The following GOLPH3 variants were observed in gnomAD, a reference collection of about 807,000 sequenced individuals.
GOLPH3 encodes coat protein GPP34.
GOLPH3 carries 14 observed loss-of-function variants against 28.5 expected under a neutral mutation model. That is an observed-to-expected ratio of 0.49 (90% confidence interval 0.32 to 0.77). GOLPH3 has a LOEUF of 0.77. Ranked by LOEUF, GOLPH3 falls within the 30% of genes least tolerant of loss-of-function variation. The probability of loss-of-function intolerance (pLI) is 0.03; values close to 1 mark genes in which losing one functional copy is unlikely to be tolerated. For missense variants in GOLPH3, 350 were observed against 393.7 expected (o/e 0.89, Z 0.94); for synonymous variants, 158 against 159.2 (o/e 0.99, Z 0.06).
At position 32,137,634 on chromosome 5, in the gene GOLPH3, G is replaced by A. The variant is rs138999976; in HGVS notation, c.358-1948C>T. On this transcript the variant is annotated intron_variant, in intron 2 of 3. Coordinates refer to ENST00000265070, the MANE Select transcript of GOLPH3 (RefSeq NM_022130.4). ...AGATCGCACCTTTGCACTCCAGCCT[G>A]GGCGACAAGAGCAAAAATCTGTTTC... is the stretch of plus-strand genomic sequence containing the variant. Among the ~76,000 whole-genome samples, 551 of 152,140 alleles carry A rather than the reference G, an allele frequency of 3.6e-3. 2 individuals are homozygous for A. The highest frequency in any genetic ancestry group is 0.013 in the African/African-American group (520 of 41,532).
chr5:32,126,384 AGGTAAATGAGGGCC>A lies in GOLPH3; in HGVS notation c.711_724del (p.Ala238GlyfsTer20). 6.2e-7 allele frequency: 1 copy of A among 1,614,184 alleles called. No individual in the cohort carries two copies. The highest frequency in any genetic ancestry group is 8.5e-7 in the Non-Finnish European group (1 of 1,180,040). ...CTCCAGGACGTCCGAGGCATGAGCC[AGGTAAATGAGGGCC>A]AGCAAGCGCCTGTCCATGCGGTGAG... On this transcript the variant is annotated frameshift_variant, in exon 4 of 4. Coordinates refer to ENST00000265070, the MANE Select transcript of GOLPH3 (RefSeq NM_022130.4). LOFTEE classifies it high-confidence loss of function.
intron 1 of GOLPH3, among the ~76,000 whole-genome samples, chr5:32,152,836 T>C (rs1421838242): frequency 1.3e-5 from 2 of 150,186 alleles, no homozygotes; most frequent in Non-Finnish European, 3.0e-5. Flanking sequence ...GACAGCATAG[T>C]TGGCAAAAAT....
At chr5:32,163,312 T>A (rs1746633770) in intron 1 of GOLPH3, among the ~76,000 whole-genome samples, 1 of 152,200 alleles carries the variant, frequency 6.6e-6, no homozygotes, top group African/African-American at 2.4e-5. Context: ...ATAAAGTTAA[T>A]AATTCACTTT....
chr5:32,146,904 G>A (rs1187258494), intron 1 of GOLPH3, among the ~76,000 whole-genome samples: 4 of 151,334 alleles, frequency 2.6e-5, no homozygotes, highest in Non-Finnish European at 5.9e-5. Context: ...CAGCTGATGA[G>A]CTAAAGAAAA....
chr5:32,126,111 T>G lies in GOLPH3; in HGVS notation c.*101A>C. ...CACCATTTTGTAAAACAGAAGCCAA[T>G]TATAGTGTGGGAAAGTACAAATTAC... On this transcript the variant is annotated 3_prime_UTR_variant, in exon 4 of 4. Coordinates refer to ENST00000265070, the MANE Select transcript of GOLPH3 (RefSeq NM_022130.4). 8.1e-7 allele frequency: 1 copy of G among 1,227,936 alleles called. No individual in the cohort carries two copies. Among genetic ancestry groups the G allele is most frequent in the Non-Finnish European group, 1.1e-6 (1 of 874,518 alleles). 76.1% of individuals were successfully genotyped at this position (1,227,936 alleles called of 1,614,324 possible).
chr5:32,129,050 CA>C (rs1211171584), intron 3 of GOLPH3, among the ~76,000 whole-genome samples: 1 of 152,064 alleles, frequency 6.6e-6, no homozygotes, highest in Non-Finnish European at 1.5e-5. Flanking sequence ...GGCATGGTAG[CA>C]GGTGGCTGTA....
At chr5:32,155,354 T>C (rs1030145148) in intron 1 of GOLPH3, among the ~76,000 whole-genome samples, 17 of 152,096 alleles carry the variant, frequency 1.1e-4, no homozygotes, top group African/African-American at 4.1e-4. Context: ...CTCGGCTTTT[T>C]ATTTTTATTT....
At chr5:32,137,842 T>C (rs1033810237) in intron 2 of GOLPH3, among the ~76,000 whole-genome samples, 1 of 152,154 alleles carries the variant, frequency 6.6e-6, no homozygotes, top group African/African-American at 2.4e-5. Context: ...ATTAAATCCA[T>C]TGTATTGTAT....
chr5:32,146,984 C>T (rs1746189655), intron 1 of GOLPH3, among the ~76,000 whole-genome samples: 1 of 151,810 alleles, frequency 6.6e-6, no homozygotes, highest in African/African-American at 2.4e-5. Flanking sequence ...AGCCGTAGGC[C>T]ACCTGCGGCC....
In GOLPH3 at chr5:32,126,401, C is replaced by A; in HGVS notation, c.708G>T (p.Leu236Phe). ...VNDPHRMDRR[L>F]LALIYLAHAS... ...CATGAGCCAGGTAAATGAGGGCCAG[C>A]AAGCGCCTGTCCATGCGGTGAGGGT... Residue 236 changes from leucine to phenylalanine, a missense_variant, in exon 4 of 4, where the codon TTG becomes TTT. Physicochemically the swap from Leu to Phe is conservative, Grantham distance 22. Transcript: ENST00000265070. The A allele has an allele frequency of 6.2e-7, 1 of 1,614,178 alleles. No homozygotes were observed.
chr5:32,127,429 G>C (rs917917992), intron 3 of GOLPH3, among the ~76,000 whole-genome samples: 1 of 152,084 alleles, frequency 6.6e-6, no homozygotes, highest in Non-Finnish European at 1.5e-5. Flanking sequence ...TCAACCACAG[G>C]CATCTTTTTT....
chr5:32,142,611 C>T lies in GOLPH3; in HGVS notation c.357+1138G>A, dbSNP rs535632056. Among the ~76,000 whole-genome samples, 10 of 138,320 alleles carry T rather than the reference C, an allele frequency of 7.2e-5. No individual in the cohort carries two copies. In the Admixed American group the frequency reaches 7.3e-4, roughly 10 times the overall value. The allele number at this position is 138,320 out of a possible 152,430, so 90.7% of individuals were successfully genotyped here. A position where few individuals can be genotyped will look rare whatever the true frequency, so the allele number is the denominator to read the frequency against. ...TCCGGGAGGGAGGTGGGGGGGTCAGCCCCCTGCCCGGCCAGCCGCCCCGTC... is the reference window on the plus strand; with the variant it reads ...TCCGGGAGGGAGGTGGGGGGGTCAGTCCCCTGCCCGGCCAGCCGCCCCGTC... On this transcript the variant is annotated intron_variant, in intron 2 of 3. Transcript: ENST00000265070.
At chr5:32,134,357 C>G (rs1745887202) in intron 3 of GOLPH3, among the ~76,000 whole-genome samples, 1 of 151,956 alleles carries the variant, frequency 6.6e-6, no homozygotes, top group Admixed American at 6.6e-5. Flanking sequence ...AGGCATGTGC[C>G]ACTATGTCTG....
intron 2 of GOLPH3, among the ~76,000 whole-genome samples, chr5:32,141,883 C>T (rs1349919270): frequency 9.1e-5 from 11 of 120,962 alleles, no homozygotes; most frequent in East Asian, 4.6e-4. Flanking sequence ...GGATTGCAGA[C>T]GGAGTCTCGT....
intron 1 of GOLPH3, among the ~76,000 whole-genome samples, chr5:32,147,722 G>T (rs1746209762): frequency 6.6e-6 from 1 of 152,108 alleles, no homozygotes; most frequent in Non-Finnish European, 1.5e-5. Context: ...CAATAGTTAT[G>T]ATAGTGGCAG....
In GOLPH3 at chr5:32,173,859, C is replaced by G; in HGVS notation, c.176G>C (p.Arg59Pro). The G allele has an allele frequency of 6.6e-7, 1 of 1,525,712 alleles. No homozygotes were observed. The highest frequency in any genetic ancestry group is 8.8e-7 in the Non-Finnish European group (1 of 1,139,242). 94.5% of individuals were successfully genotyped at this position (1,525,712 alleles called of 1,614,324 possible). The stretch of plus-strand genomic sequence containing the variant: ...GAGCACTTCCTCCATCAGGGTCAGC[C>G]GCGTTTCCTTGGAGTCGCCCTTGTC... ...DDDKGDSKET[R>P]LTLMEEVLLL... Residue 59 changes from arginine (R) to proline (P), a missense_variant, in exon 1 of 4, where the codon CGG (arginine) becomes CCG (proline). By Grantham distance (103) the Arg-to-Pro change is moderately radical. Transcript: ENST00000265070.
At chr5:32,173,559 G>A (rs1746895804) in intron 1 of GOLPH3, among the ~76,000 whole-genome samples, 1 of 152,158 alleles carries the variant, frequency 6.6e-6, no homozygotes, top group African/African-American at 2.4e-5. Context: ...AATGAAAGGA[G>A]CGACTGTGAA....
chr5:32,174,086 G>C lies in GOLPH3; in HGVS notation c.-52C>G. ...CCGAGAGGGTCGCAGGACCGACCGG[G>C]TCGCCCTCCTCCTCCCCGCGCGGCC... is the stretch of plus-strand genomic sequence containing the variant. On this transcript the variant is annotated 5_prime_UTR_variant, in exon 1 of 4. Coordinates refer to ENST00000265070, the MANE Select transcript of GOLPH3 (RefSeq NM_022130.4). 2 of 1,187,670 alleles carry C rather than the reference G, an allele frequency of 1.7e-6. No individual in the cohort carries two copies. Among genetic ancestry groups the C allele is most frequent in the Non-Finnish European group, 2.1e-6 (2 of 946,270 alleles). The allele number at this position is 1,187,670 out of a possible 1,614,324, so 73.6% of individuals were successfully genotyped here.
intron 2 of GOLPH3, among the ~76,000 whole-genome samples, chr5:32,142,789 C>G (rs173446): frequency 1.4e-5 from 2 of 147,740 alleles, no homozygotes; most frequent in South Asian, 2.1e-4. Flanking sequence ...GTGAGGAGCC[C>G]CTCTGTCCGG....
Sources: allele counts gnomAD v4.1 joint callset (sites outside exome capture counted in the v4.1 genomes callset), GRCh38; gene constraint gnomAD v4.1.1; transcripts MANE v1.5; gene names NCBI Gene and HGNC (gene_info 2026-07-23, HGNC 2026-07-21).